The following MYOM1 variants were observed in gnomAD, a reference collection of about 807,000 sequenced individuals.
MYOM1 encodes the protein myomesin-1.
A neutral mutation model predicts 205.3 loss-of-function variants in MYOM1; 164 were observed. The ratio of observed to expected loss-of-function variants is 0.80; its 90% CI spans 0.70 to 0.91. The LOEUF (loss-of-function observed/expected upper bound fraction) is 0.91, where lower values mean the gene tolerates loss of function less well. Ranked by LOEUF, MYOM1 falls within the 40% of genes least tolerant of loss-of-function variation. The probability of loss-of-function intolerance (pLI) is 0.00; values close to 1 mark genes in which losing one functional copy is unlikely to be tolerated. For missense variants in MYOM1, 2,011 were observed against 2,127.3 expected (o/e 0.95, Z 1.08); for synonymous variants, 772 against 789.4 (o/e 0.98, Z 0.37).
At chr18:3,144,643 A>AT (rs2080099231) in intron 13 of MYOM1, among the ~76,000 whole-genome samples, 1 of 152,214 alleles carries the variant, frequency 6.6e-6, no homozygotes. Flanking sequence ...GATGGAAATA[A>AT]TATACCATGC....
chr18:3,193,805 A>G lies in MYOM1; in HGVS notation c.431+13T>C, dbSNP rs376555655. On this transcript the variant is annotated intron_variant, in intron 3 of 37. Transcript: ENST00000356443. The stretch of plus-strand genomic sequence containing the variant: ...TCTTAAAAATTAAAGCCAGGAAGAA[A>G]AAGCACACTCACCGTCCTGAGAAAA... 125 of 1,604,512 alleles carry G rather than the reference A, an allele frequency of 7.8e-5. No individual in the cohort carries two copies. Among genetic ancestry groups the G allele is most frequent in the Middle Eastern group, 3.3e-4 (2 of 6,002 alleles).
rs529311565 is a variant in MYOM1, at chr18:3,132,482, G to A, written c.2385-986C>T. Among the ~76,000 whole-genome samples the A allele has an allele frequency of 5.3e-5, 8 of 152,144 alleles. No homozygotes were observed. The South Asian group carries it at 1.7e-3, about 32-fold the overall frequency. ...ATATATTTTTTAACTTTTATTTTAG[G>A]CTCAGGGATACATGGGAAGGTTTGT... On this transcript the variant is annotated intron_variant, in intron 16 of 37. Coordinates refer to ENST00000356443, the MANE Select transcript of MYOM1 (RefSeq NM_003803.4).
chr18:3,126,625 G>C lies in MYOM1; in HGVS notation c.2991+76C>G. ...GACGTGACTCTCTTACAAGGTGCTG[G>C]GTGTGTGCCTGCCTGGGCGTGCAAG... On this transcript the variant is annotated intron_variant, in intron 19 of 37. Transcript: ENST00000356443. The C allele has an allele frequency of 3.8e-6, 5 of 1,325,656 alleles. No homozygotes were observed. The South Asian group carries it at 7.3e-5, about 19-fold the overall frequency. The allele number at this position is 1,325,656 out of a possible 1,614,324, so 82.1% of individuals were successfully genotyped here. A position where few individuals can be genotyped will look rare whatever the true frequency, so the allele number is the denominator to read the frequency against.
Position 3,135,646 on chromosome 18 carries a change from C to G in MYOM1, c.2110G>C (p.Glu704Gln). ...ACACGGAAACAGTAGGATTTCCCCT[C>G]GGCCAAGTCAAACAGAGCAAAGCGG... ...SPRFALFDLAEGKSYCFRVRC... is the reference protein window; with the variant it reads ...SPRFALFDLAQGKSYCFRVRC... The change falls in exon 15 of 38, where the codon GAG (glutamate) becomes CAG (glutamine). Residue 704 changes from glutamate (E) to glutamine (Q), a missense_variant. Physicochemically the swap from Glu to Gln is conservative, Grantham distance 29 (BLOSUM62 2). Transcript: ENST00000356443. This position sits in a 1 kb window ranked among gnomAD's most constrained non-coding sequence, Gnocchi z 4.1. The G allele has an allele frequency of 1.9e-6, 3 of 1,613,894 alleles. No homozygotes were observed. Among genetic ancestry groups the G allele is most frequent in the Non-Finnish European group, 2.5e-6 (3 of 1,179,870 alleles).
chr18:3,215,172 G>A lies in MYOM1; in HGVS notation c.52C>T (p.Arg18Cys), dbSNP rs2081249566. The change falls in exon 2 of 38, where the codon CGC becomes TGC. Residue 18 changes from arginine to cysteine, a missense_variant. Physicochemically the swap from Arg to Cys is radical, Grantham distance 180. Transcript: ENST00000356443. Reference sequence around the variant, plus strand: ...ACGGTGCTGCGCACGTCCTTGTTGCGGTAGCTGAGATCATAGTGCTGGTGG... The same window carrying A: ...ACGGTGCTGCGCACGTCCTTGTTGCAGTAGCTGAGATCATAGTGCTGGTGG... ...RCHQHYDLSY[R>C]NKDVRSTVSH... 3 of 1,613,340 alleles carry A rather than the reference G, an allele frequency of 1.9e-6. No individual in the cohort carries two copies. The East Asian group carries it at 6.7e-5, about 36-fold the overall frequency.
intron 31 of MYOM1, 126 bp from the exon 32 acceptor site, chr18:3,084,153 T>C (rs17183827): frequency 2.9e-5 from 29 of 986,160 alleles, no homozygotes; most frequent in Admixed American, 4.1e-5. Flanking sequence ...GGTGAATTTG[T>C]CGACCCACTG....
intron 3 of MYOM1, among the ~76,000 whole-genome samples, chr18:3,193,284 A>G (rs2080938660): frequency 6.7e-6 from 1 of 150,292 alleles, no homozygotes; most frequent in Non-Finnish European, 1.5e-5. Context: ...AAATACATAA[A>G]TATATATACA....
chr18:3,222,187 T>C (rs118075302), upstream of MYOM1, among the ~76,000 whole-genome samples: 1,986 of 152,334 alleles, frequency 0.013, 20 homozygotes, highest in Middle Eastern at 0.037. Context: ...AGTCCACATA[T>C]ATAAAGGAAT....
chr18:3,082,407 T>A (rs1338181543), intron 33 of MYOM1, among the ~76,000 whole-genome samples: 1 of 152,156 alleles, frequency 6.6e-6, no homozygotes, highest in Non-Finnish European at 1.5e-5. Context: ...AGCTCCCTCA[T>A]CCCTCAAGTG....
chr18:3,193,359 T>C (rs7227129), intron 3 of MYOM1, among the ~76,000 whole-genome samples: 21,476 of 118,072 alleles, frequency 0.18, 3,145 homozygotes, highest in African/African-American at 0.44. Context: ...TATATATATA[T>C]ATACACACAC....
intron 21 of MYOM1, among the ~76,000 whole-genome samples, chr18:3,113,069 ATG>A (rs1413521445): frequency 6.9e-6 from 1 of 145,068 alleles, no homozygotes; most frequent in African/African-American, 2.5e-5. Flanking sequence ...AATGATCAAG[ATG>A]TGTGCTGAGA....
chr18:3,099,569 G>A (rs1169704798), intron 25 of MYOM1, among the ~76,000 whole-genome samples: 1 of 152,120 alleles, frequency 6.6e-6, no homozygotes, highest in Admixed American at 6.5e-5. Context: ...ACCTTCCAAG[G>A]GTCATTTCTG....
chr18:3,203,154 G>C lies in MYOM1; in HGVS notation c.291-9196C>G, dbSNP rs2081087560. Reference sequence around the variant, plus strand: ...TGGGATACAGCTAAAGCAGTACTTAGAGGGACATATATAGCTTTAAGTGTT... The same window carrying C: ...TGGGATACAGCTAAAGCAGTACTTACAGGGACATATATAGCTTTAAGTGTT... On this transcript the variant is annotated intron_variant, in intron 2 of 37. Transcript: ENST00000356443. 2.0e-5 allele frequency among the ~76,000 whole-genome samples: 3 copies of C among 151,302 alleles called. No individual in the cohort carries two copies. In the South Asian group the frequency reaches 6.3e-4, roughly 32 times the overall value.
At chr18:3,084,281 G>A (rs1264387802) in intron 31 of MYOM1, among the ~76,000 whole-genome samples, 1 of 152,066 alleles carries the variant, frequency 6.6e-6, no homozygotes, top group Non-Finnish European at 1.5e-5. Context: ...ACATTCTAGA[G>A]AAAGGGCCAC....
chr18:3,222,760 T>C (rs2081337254), upstream of MYOM1, among the ~76,000 whole-genome samples: 1 of 152,148 alleles, frequency 6.6e-6, no homozygotes, highest in African/African-American at 2.4e-5. Context: ...CACAGTTAAA[T>C]GGTTGAGAGG....
chr18:3,215,145 T>C lies in MYOM1; in HGVS notation c.79A>G (p.Ser27Gly). 5 of 1,613,852 alleles carry C rather than the reference T, an allele frequency of 3.1e-6. No homozygotes were observed. The highest frequency in any genetic ancestry group is 4.2e-6 in the Non-Finnish European group (5 of 1,179,850). ...YRNKDVRSTVSHYQREKKRSA... is the reference protein window; with the variant it reads ...YRNKDVRSTVGHYQREKKRSA... Reference sequence around the variant, plus strand: ...CGTTTCTTCTCCCGCTGGTAGTGACTCACGGTGCTGCGCACGTCCTTGTTG... The same window carrying C: ...CGTTTCTTCTCCCGCTGGTAGTGACCCACGGTGCTGCGCACGTCCTTGTTG... The change falls in exon 2 of 38, where the codon AGT becomes GGT. Residue 27 changes from serine (S) to glycine (G), a missense_variant. Coordinates refer to ENST00000356443, the MANE Select transcript of MYOM1 (RefSeq NM_003803.4).
At chr18:3,153,185 G>A (rs1438720260) in intron 11 of MYOM1, among the ~76,000 whole-genome samples, 1 of 152,216 alleles carries the variant, frequency 6.6e-6, no homozygotes, top group Non-Finnish European at 1.5e-5. Flanking sequence ...CAGAAAGAAA[G>A]GTGGAACTCA....
chr18:3,195,160 C>T (rs192537571), intron 2 of MYOM1, among the ~76,000 whole-genome samples: 3 of 152,242 alleles, frequency 2.0e-5, no homozygotes, highest in East Asian at 1.9e-4. Flanking sequence ...TATGACGATG[C>T]GAGAAAACAA....
intron 5 of MYOM1, among the ~76,000 whole-genome samples, chr18:3,186,834 GAA>G (rs2080822219): frequency 7.2e-6 from 1 of 138,582 alleles, no homozygotes; most frequent in Admixed American, 7.6e-5. Flanking sequence ...GAGAAAGAAA[GAA>G]GAGAAAAGAA....
Sources: allele counts gnomAD v4.1 joint callset (sites outside exome capture counted in the v4.1 genomes callset), GRCh38; gene constraint gnomAD v4.1.1; non-coding constraint Gnocchi (gnomAD v3.1); transcripts MANE v1.5; gene names NCBI Gene and HGNC (gene_info 2026-07-23, HGNC 2026-07-21).